The following EYS variants were observed in gnomAD, a reference collection of about 807,000 sequenced individuals.
The protein encoded by EYS is EGF-like photoreceptor maintenance factor, also known as protein eyes shut homolog.
Under a neutral mutation model 282.1 loss-of-function variants are expected in EYS, and 250 were observed. That is an observed-to-expected ratio of 0.89 (90% confidence interval 0.80 to 0.98). The LOEUF (loss-of-function observed/expected upper bound fraction) is 0.98. Among genes scored for constraint, EYS ranks in the 50% least tolerant of loss-of-function variants. EYS has a pLI of 0.00. For missense variants in EYS, 4,016 were observed against 3,709.0 expected, an observed-to-expected ratio of 1.08 and a Z score of -2.15; for synonymous variants, 1,355 against 1,282.9, an observed-to-expected ratio of 1.06 and a Z score of -1.20.
At chr6:64,249,080 A>AAAAAAAAAAAAAAAAAAAAAAAAAAAAC (rs1429662745) in intron 30 of EYS, among the ~76,000 whole-genome samples, 1 of 151,410 alleles carries the variant, frequency 6.6e-6, no homozygotes, top group Non-Finnish European at 1.5e-5. Context: ...AAAAAAAAAA[A>AAAAAAAAAAAAAAAAAAAAAAAAAAAAC]AAAAAGATAC....
intron 30 of EYS, among the ~76,000 whole-genome samples, chr6:64,244,005 CA>C (rs930449882): frequency 6.6e-6 from 1 of 151,816 alleles, no homozygotes; most frequent in African/African-American, 2.4e-5. Flanking sequence ...CTTATTGGGT[CA>C]AAAAAATGTC....
chr6:65,118,258 T>C (rs79472634), intron 12 of EYS, among the ~76,000 whole-genome samples: 94 of 152,272 alleles, frequency 6.2e-4, no homozygotes, highest in Non-Finnish European at 1.2e-3. Context: ...ATGTAGGAGA[T>C]GTGGGCTGGG....
intron 22 of EYS, among the ~76,000 whole-genome samples, chr6:64,712,116 G>T (rs138847311): frequency 1.7e-3 from 263 of 152,238 alleles, no homozygotes; most frequent in African/African-American, 6.2e-3. Flanking sequence ...GTTTCACTAG[G>T]TACCTGTCCC....
At chr6:65,217,889 A>T (rs1248752079) in intron 12 of EYS, among the ~76,000 whole-genome samples, 1 of 152,062 alleles carries the variant, frequency 6.6e-6, no homozygotes, top group Non-Finnish European at 1.5e-5. Context: ...TTAAATATAC[A>T]CTAAAAATAT....
chr6:65,240,070 A>C (rs1354815273), intron 12 of EYS, among the ~76,000 whole-genome samples: 5 of 151,094 alleles, frequency 3.3e-5, no homozygotes, highest in African/African-American at 1.2e-4. Context: ...CTGGGTTCAC[A>C]CCATTCTCCT....
chr6:65,250,590 T>C (rs1330344109), intron 12 of EYS, among the ~76,000 whole-genome samples: 1 of 152,006 alleles, frequency 6.6e-6, no homozygotes, highest in Non-Finnish European at 1.5e-5. Flanking sequence ...ATTAACTCTG[T>C]TCTATTTTTA....
chr6:64,824,649 T>G (rs1373043157), intron 19 of EYS, among the ~76,000 whole-genome samples: 1 of 151,772 alleles, frequency 6.6e-6, no homozygotes, highest in Non-Finnish European at 1.5e-5. Context: ...GATGGTCAAT[T>G]TATAACAAAA....
intron 22 of EYS, among the ~76,000 whole-genome samples, chr6:64,707,369 T>A (rs1161225667): frequency 1.3e-5 from 2 of 151,956 alleles, no homozygotes; most frequent in African/African-American, 4.8e-5. Flanking sequence ...GGGTGAGGGA[T>A]AAAAGACTAC....
At chr6:64,438,242 C>A (rs955128187) in intron 27 of EYS, among the ~76,000 whole-genome samples, 1 of 151,734 alleles carries the variant, frequency 6.6e-6, no homozygotes, top group Admixed American at 6.6e-5. Flanking sequence ...TCTTTGCATT[C>A]TTAACGTTTA....
At chr6:64,196,103 CAAAAG>C (rs1765279396) in intron 31 of EYS, among the ~76,000 whole-genome samples, 1 of 152,164 alleles carries the variant, frequency 6.6e-6, no homozygotes, top group Non-Finnish European at 1.5e-5. Context: ...AGACACTTCT[CAAAAG>C]AAGACATTTA....
At chr6:64,609,512 C>A (rs914774372) in intron 24 of EYS, among the ~76,000 whole-genome samples, 1 of 152,146 alleles carries the variant, frequency 6.6e-6, no homozygotes, top group Non-Finnish European at 1.5e-5. Context: ...TGCACACAGC[C>A]TTGTAGACTA....
intron 19 of EYS, among the ~76,000 whole-genome samples, chr6:64,884,530 G>T (rs1354713348): frequency 4.0e-5 from 6 of 151,234 alleles, no homozygotes; most frequent in Admixed American, 3.3e-4. Flanking sequence ...AAAATGAATA[G>T]ATTTGAACAT....
At chr6:64,001,693 T>G (rs1768102129) in intron 33 of EYS, among the ~76,000 whole-genome samples, 1 of 152,318 alleles carries the variant, frequency 6.6e-6, no homozygotes, top group South Asian at 2.1e-4. Flanking sequence ...ATCCAGCTCT[T>G]AAACAAGAGT....
chr6:63,842,237 G>A (rs1221661887), intron 36 of EYS, among the ~76,000 whole-genome samples: 2 of 152,136 alleles, frequency 1.3e-5, no homozygotes, highest in East Asian at 1.9e-4. Flanking sequence ...CAGTGTAAAA[G>A]CATTCCTATT....
chr6:65,488,432 C>T (rs772001071), intron 5 of EYS, among the ~76,000 whole-genome samples: 9 of 152,012 alleles, frequency 5.9e-5, no homozygotes, highest in East Asian at 1.9e-4. Flanking sequence ...TTGTGAAGGA[C>T]GTCTTCAAGG....
Position 65,353,099 on chromosome 6 carries a change from G to A in EYS, c.1459+359C>T, listed in dbSNP as rs1764349943. 3.3e-5 allele frequency among the ~76,000 whole-genome samples: 5 copies of A among 151,344 alleles called. No homozygotes were observed. In the South Asian group the frequency reaches 8.3e-4, roughly 25 times the overall value. On this transcript the variant is annotated intron_variant, in intron 9 of 42. Coordinates refer to ENST00000503581, the MANE Select transcript of EYS (RefSeq NM_001142800.2). ...TTCTAAATAGGCTCATTGCTTATAA[G>A]CATTCATGGAATGCTACCTGTTTTC...
intron 12 of EYS, among the ~76,000 whole-genome samples, chr6:65,076,353 A>G (rs1024590199): frequency 6.6e-6 from 1 of 152,018 alleles, no homozygotes; most frequent in Non-Finnish European, 1.5e-5. Flanking sequence ...ATTGACAATG[A>G]CATGGCAAAA....
intron 30 of EYS, among the ~76,000 whole-genome samples, chr6:64,259,797 C>T (rs9353672): frequency 0.69 from 104,102 of 151,484 alleles, 35,779 homozygotes; most frequent in South Asian, 0.71. Flanking sequence ...CTTTGACAGT[C>T]CCCTCTTTTG....
intron 24 of EYS, among the ~76,000 whole-genome samples, chr6:64,613,535 A>C (rs545980750): frequency 7.2e-5 from 11 of 152,206 alleles, no homozygotes; most frequent in African/African-American, 2.6e-4. Flanking sequence ...TTTCCCACTA[A>C]AGGAAAACTT....
Sources: allele counts gnomAD v4.1 joint callset (sites outside exome capture counted in the v4.1 genomes callset), GRCh38; gene constraint gnomAD v4.1.1; transcripts MANE v1.5; gene names NCBI Gene and HGNC (gene_info 2026-07-23, HGNC 2026-07-21).